The following PRR5 variants were observed in gnomAD, a reference collection of about 807,000 sequenced individuals.
PRR5 encodes the protein proline rich 5.
Under a neutral mutation model 30.6 loss-of-function variants are expected in PRR5, and 25 were observed. The ratio of observed to expected loss-of-function variants is 0.82; its 90% CI spans 0.60 to 1.14. PRR5 has a LOEUF of 1.14. Among genes scored for constraint, PRR5 ranks in the 50% most tolerant of loss-of-function variants. PRR5 has a pLI of 0.00. For missense variants in PRR5, 600 were observed against 547.1 expected, an observed-to-expected ratio of 1.10 and a Z score of -0.96; for synonymous variants, 286 against 247.1, an observed-to-expected ratio of 1.16 and a Z score of -1.48.
chr22:44,700,810 A>G (rs919805662), upstream of PRR5, among the ~76,000 whole-genome samples: 4 of 152,190 alleles, frequency 2.6e-5, no homozygotes, highest in East Asian at 3.8e-4. Context: ...GGAGGTACTC[A>G]GGAGACACTG....
At chr22:44,729,844 G>A (rs1229780847) in intron 4 of PRR5, 1 of 985,364 alleles carries the variant, frequency 1.0e-6, no homozygotes. Context: ...ACGCAGGCCT[G>A]GCCGGTGCCC....
chr22:44,730,111 C>T (rs1000123701), intron 4 of PRR5: 16 of 985,100 alleles, frequency 1.6e-5, no homozygotes, highest in African/African-American at 1.7e-5. Context: ...CTGCCCCTGG[C>T]GGGGTCCCAC....
At chr22:44,724,447 A>G (rs1054297101) in intron 2 of PRR5, among the ~76,000 whole-genome samples, 3 of 152,216 alleles carry the variant, frequency 2.0e-5, no homozygotes, top group African/African-American at 4.8e-5. Flanking sequence ...AAAGAAAAAA[A>G]AAAAGTTTTC....
intron 1 of PRR5, among the ~76,000 whole-genome samples, chr22:44,685,206 C>T (rs1020777325): frequency 2.0e-5 from 3 of 152,146 alleles, no homozygotes; most frequent in African/African-American, 7.2e-5. Flanking sequence ...CCCAGTAGGG[C>T]CTCCGTGAGT....
chr22:44,697,420 C>T (rs529724717), upstream of PRR5, among the ~76,000 whole-genome samples: 2 of 152,234 alleles, frequency 1.3e-5, no homozygotes, highest in Non-Finnish European at 2.9e-5. Context: ...AGGGATGGGA[C>T]GGCCCGGATG....
upstream of PRR5, chr22:44,702,154 C>T (rs1243506489): frequency 2.0e-6 from 1 of 498,682 alleles, no homozygotes; most frequent in Non-Finnish European, 2.7e-6. Flanking sequence ...CCCGCCCCGC[C>T]CCCCGGGGCG....
chr22:44,734,949 G>C, intron 6 of PRR5, 78 bp from the exon 7 acceptor site: 1 of 1,483,478 alleles, frequency 6.7e-7, no homozygotes, highest in Non-Finnish European at 9.2e-7. Context: ...TGTCTGGTGG[G>C]TGGGACATAT....
intron 1 of PRR5, among the ~76,000 whole-genome samples, chr22:44,708,082 C>T (rs1927520371): frequency 6.6e-6 from 1 of 152,078 alleles, no homozygotes; most frequent in Admixed American, 6.6e-5. Flanking sequence ...GCCTGTAATC[C>T]CAGCTACTTT....
rs975196316 is a variant in PRR5, at chr22:44,720,877, G to A, written c.216-4367G>A. Among the ~76,000 whole-genome samples, 3 of 152,194 alleles carry A rather than the reference G, an allele frequency of 2.0e-5. 1 individual carries two copies. The highest frequency in any genetic ancestry group is 4.1e-4 in the South Asian group (2 of 4,826). ...AATGTCAGAGGAGGCCAGGGGAGCC[G>A]GAGAGGTGGCCAGTGGGTTGGAGCC... On this transcript the variant is annotated intron_variant, in intron 2 of 7. Coordinates refer to ENST00000336985, the MANE Select transcript of PRR5 (RefSeq NM_181333.4).
In PRR5 at chr22:44,694,676, A is replaced by G. The variant is rs12167885; in HGVS notation, c.-10-7816A>G. ...CCTAGGATAAGTCACCTAACCTTTC[A>G]GAGCCCCAACTAACCCACCTGTAAA... On this transcript the variant is annotated intron_variant, in intron 1 of 8. Coordinates refer to the PRR5 transcript ENST00000006251. Among the ~76,000 whole-genome samples the G allele has an allele frequency of 8.9e-3, 1,359 of 152,256 alleles. 19 individuals carry two copies. The highest frequency in any genetic ancestry group is 0.031 in the African/African-American group (1,284 of 41,560).
intron 1 of PRR5, among the ~76,000 whole-genome samples, chr22:44,687,750 C>G (rs1924879517): frequency 6.6e-6 from 1 of 152,116 alleles, no homozygotes; most frequent in Admixed American, 6.6e-5. Flanking sequence ...ACAAGGCTGC[C>G]ACACTTTCAC....
chr22:44,680,890 A>G (rs62230573), intron 1 of PRR5, among the ~76,000 whole-genome samples: 27,889 of 152,154 alleles, frequency 0.18, 2,933 homozygotes, highest in East Asian at 0.38. Context: ...GGCAGGGCAG[A>G]CCTGGGGCAC....
At chr22:44,686,814 A>G (rs1924793203) in intron 1 of PRR5, among the ~76,000 whole-genome samples, 1 of 152,174 alleles carries the variant, frequency 6.6e-6, no homozygotes, top group Non-Finnish European at 1.5e-5. Flanking sequence ...GGGTTTTGCC[A>G]TGCTGGCCAG....
chr22:44,721,665 T>G (rs1452649659), intron 2 of PRR5, among the ~76,000 whole-genome samples: 1 of 152,198 alleles, frequency 6.6e-6, no homozygotes. Flanking sequence ...GAATTGGCCT[T>G]AGATTCCCTG....
chr22:44,714,508 AG>A (rs1206229417), intron 1 of PRR5, 82 bp from the exon 2 acceptor site: 1 of 1,557,976 alleles, frequency 6.4e-7, no homozygotes, highest in Non-Finnish European at 8.7e-7. Flanking sequence ...TCTAGGAGAG[AG>A]GGAAAGAGGA....
At chr22:44,698,116 G>A (rs945175149), upstream of PRR5, among the ~76,000 whole-genome samples, 2 of 152,218 alleles carry the variant, frequency 1.3e-5, no homozygotes, top group Non-Finnish European at 2.9e-5. Flanking sequence ...AGGCCCTTCA[G>A]AAGGGTAGTT....
At chr22:44,698,796 C>G (rs1440357134), upstream of PRR5, among the ~76,000 whole-genome samples, 1 of 152,228 alleles carries the variant, frequency 6.6e-6, no homozygotes, top group Non-Finnish European at 1.5e-5. Flanking sequence ...TTATTTTCCT[C>G]CGACGCTGCA....
At chr22:44,732,166 C>T in intron 5 of PRR5, 85 bp from the exon 6 acceptor site, 1 of 1,568,916 alleles carries the variant, frequency 6.4e-7, no homozygotes, top group Non-Finnish European at 8.6e-7. Context: ...AGGTCTCTTC[C>T]CCCTGTGGGG....
chr22:44,684,994 T>C (rs1924618778), intron 1 of PRR5, among the ~76,000 whole-genome samples: 1 of 152,152 alleles, frequency 6.6e-6, no homozygotes, highest in South Asian at 2.1e-4. Context: ...TGGTGGCCGC[T>C]GGGGTTACTG....
Sources: allele counts gnomAD v4.1 joint callset (sites outside exome capture counted in the v4.1 genomes callset), GRCh38; gene constraint gnomAD v4.1.1; transcripts MANE v1.5; gene names NCBI Gene and HGNC (gene_info 2026-07-23, HGNC 2026-07-21).